FBXO34: variants seen among roughly 807,000 people sequenced by gnomAD.
FBXO34 encodes F-box protein 34.
Under a neutral mutation model 24.5 loss-of-function variants are expected in FBXO34, and 12 were observed. The ratio of observed to expected loss-of-function variants is 0.49; its 90% CI spans 0.31 to 0.79. The LOEUF (loss-of-function observed/expected upper bound fraction) is 0.79, where lower values mean the gene tolerates loss of function less well. Ranked by LOEUF, FBXO34 falls within the 30% of genes least tolerant of loss-of-function variation. The probability of loss-of-function intolerance (pLI) is 0.04; values close to 1 mark genes in which losing one functional copy is unlikely to be tolerated. For synonymous variants in FBXO34, 320 were observed against 311.9 expected (o/e 1.03, Z -0.27); for missense variants, 823 against 857.7 (o/e 0.96, Z 0.51).
chr14:55,421,690 T>G, the FBXO34 span, among the ~76,000 whole-genome samples: 1 of 152,302 alleles, frequency 6.6e-6, no homozygotes, highest in East Asian at 1.9e-4. Context: ...CTTGAATTCC[T>G]GGCCTCATGT....
At chr14:55,369,924 A>G, downstream of FBXO34, 1 of 1,597,574 alleles carries the variant, frequency 6.3e-7, no homozygotes. Context: ...AAGGGCCCTG[A>G]CCTGTGTGCA....
downstream of FBXO34, among the ~76,000 whole-genome samples, chr14:55,373,625 A>G (rs1884864049): frequency 1.3e-5 from 2 of 152,118 alleles, no homozygotes; most frequent in South Asian, 4.2e-4. Context: ...ACGCCCAGAT[A>G]ATTTCAGTAC....
At chr14:55,393,477 T>C in the FBXO34 span, among the ~76,000 whole-genome samples, 1 of 152,212 alleles carries the variant, frequency 6.6e-6, no homozygotes, top group South Asian at 2.1e-4. Context: ...AAAATGTGAC[T>C]GTTAGCCTGA....
the FBXO34 span, among the ~76,000 whole-genome samples, chr14:55,405,267 A>T: frequency 6.6e-6 from 1 of 152,244 alleles, no homozygotes; most frequent in African/African-American, 2.4e-5. Flanking sequence ...GAAGTATCTA[A>T]AGGATATTTT....
chr14:55,323,457 A>G (rs1426979262), intron 1 of FBXO34, among the ~76,000 whole-genome samples: 1 of 150,776 alleles, frequency 6.6e-6, no homozygotes, highest in Non-Finnish European at 1.5e-5. Flanking sequence ...ATCTTGGCTC[A>G]CTGCGGTCTT....
the FBXO34 span, chr14:55,385,707 C>A: frequency 2.7e-6 from 2 of 739,402 alleles, no homozygotes; most frequent in Admixed American, 5.8e-5. Flanking sequence ...TTCTGCGGTG[C>A]GTACTGTTTG....
downstream of FBXO34, chr14:55,366,298 G>T (rs918061879): frequency 2.0e-5 from 3 of 152,538 alleles, no homozygotes; most frequent in Non-Finnish European, 4.4e-5. Context: ...TCTATAATTT[G>T]TATAAAGTAC....
the FBXO34 span, among the ~76,000 whole-genome samples, chr14:55,422,716 G>A: frequency 1.3e-5 from 2 of 152,100 alleles, no homozygotes; most frequent in African/African-American, 4.8e-5. Context: ...AGCTGGGCAT[G>A]GTGGCATGTG....
chr14:55,338,033 TAA>T (rs1883844252), intron 1 of FBXO34, among the ~76,000 whole-genome samples: 1 of 150,544 alleles, frequency 6.6e-6, no homozygotes, highest in Admixed American at 6.6e-5. Flanking sequence ...CAATTGGAGA[TAA>T]GAGTATGTAC....
chr14:55,404,978 A>C, the FBXO34 span, among the ~76,000 whole-genome samples: 2 of 152,214 alleles, frequency 1.3e-5, no homozygotes, highest in African/African-American at 4.8e-5. Context: ...AAGTTCTAAA[A>C]GGTATAATCA....
chr14:55,426,542 A>T, the FBXO34 span, among the ~76,000 whole-genome samples: 1 of 152,116 alleles, frequency 6.6e-6, no homozygotes, highest in East Asian at 1.9e-4. Flanking sequence ...CATGTTAAAA[A>T]TTCAAATCTT....
At chr14:55,440,710 G>C in the FBXO34 span, 5 of 743,156 alleles carry the variant, frequency 6.7e-6, no homozygotes, top group African/African-American at 9.2e-5. Context: ...GGAGAGGGGC[G>C]TCTCGCCTGG....
the FBXO34 span, chr14:55,380,453 G>T: frequency 3.0e-6 from 2 of 657,934 alleles, no homozygotes; most frequent in Non-Finnish European, 5.3e-6. Context: ...ATTTCAATCC[G>T]ACCTTCTCTG....
chr14:55,390,035 G>GCTTC, the FBXO34 span, among the ~76,000 whole-genome samples: 1 of 151,324 alleles, frequency 6.6e-6, no homozygotes, highest in South Asian at 2.1e-4. Flanking sequence ...AAGACTCTGA[G>GCTTC]CTTCCTGCTA....
the FBXO34 span, among the ~76,000 whole-genome samples, chr14:55,412,306 A>C: frequency 6.6e-6 from 1 of 152,186 alleles, no homozygotes; most frequent in Non-Finnish European, 1.5e-5. Flanking sequence ...CAAGTTCCTT[A>C]ATCTCTCTGC....
intron 1 of FBXO34, among the ~76,000 whole-genome samples, chr14:55,297,102 C>T (rs556485728): frequency 6.0e-4 from 91 of 152,256 alleles, no homozygotes; most frequent in Non-Finnish European, 6.3e-4. Context: ...GTACACGTGG[C>T]TGGCAGAGAA....
intron 1 of FBXO34, among the ~76,000 whole-genome samples, chr14:55,337,871 G>A (rs1438090917): frequency 6.6e-6 from 1 of 151,728 alleles, no homozygotes; most frequent in Admixed American, 6.6e-5. Context: ...CCCTGCCATG[G>A]GCCCTTCAGA....
chr14:55,323,228 T>TA (rs1555337929), intron 1 of FBXO34, among the ~76,000 whole-genome samples: 1 of 75,602 alleles, frequency 1.3e-5, no homozygotes. Context: ...AATATATATT[T>TA]TTTTTTTTTT....
chr14:55,287,201 C>T (rs1000191279), intron 1 of FBXO34, among the ~76,000 whole-genome samples: 8 of 152,128 alleles, frequency 5.3e-5, no homozygotes, highest in Admixed American at 1.3e-4. Flanking sequence ...CCACTGTACC[C>T]GGTATCATTT....
Sources: allele counts gnomAD v4.1 joint callset (sites outside exome capture counted in the v4.1 genomes callset), GRCh38; gene constraint gnomAD v4.1.1; transcripts MANE v1.5; gene names NCBI Gene and HGNC (gene_info 2026-07-23, HGNC 2026-07-21).